THSD4: variants seen among roughly 807,000 people sequenced by gnomAD.
THSD4 encodes thrombospondin type 1 domain containing 4, also known as thrombospondin type-1 domain-containing protein 4.
A neutral mutation model predicts 119.0 loss-of-function variants in THSD4; 69 were observed. That is an observed-to-expected ratio of 0.58 (90% CI 0.48 to 0.71). THSD4 has a LOEUF of 0.71. Among genes scored for constraint, THSD4 ranks in the 30% least tolerant of loss-of-function variants. THSD4 has a pLI of 0.00. For synonymous variants in THSD4, 524 were observed against 540.4 expected, an observed-to-expected ratio of 0.97 and a Z score of 0.42; for missense variants, 1,393 against 1,391.1, an observed-to-expected ratio of 1.00 and a Z score of -0.02.
intron 6 of THSD4, among the ~76,000 whole-genome samples, chr15:71,401,188 G>C (rs1221479429): frequency 6.6e-6 from 1 of 151,302 alleles, no homozygotes; most frequent in East Asian, 2.0e-4. Context: ...GCAATATTTT[G>C]CTTCCCTAGA....
At chr15:71,332,324 C>G (rs2045431550) in intron 6 of THSD4, among the ~76,000 whole-genome samples, 1 of 152,172 alleles carries the variant, frequency 6.6e-6, no homozygotes, top group Non-Finnish European at 1.5e-5. Flanking sequence ...ATGGGTACCA[C>G]AAATACCTAC....
intron 7 of THSD4, among the ~76,000 whole-genome samples, chr15:71,483,241 G>A (rs1021130780): frequency 1.3e-5 from 2 of 152,192 alleles, no homozygotes; most frequent in Non-Finnish European, 2.9e-5. Context: ...TGATTACGCA[G>A]TCACAGTCTC....
In THSD4 at chr15:71,367,016, C is replaced by T. The variant is rs979006430; in HGVS notation, c.1016-44671C>T. On this transcript the variant is annotated intron_variant, in intron 6 of 17. Coordinates refer to ENST00000261862, the MANE Select transcript of THSD4 (RefSeq NM_024817.3). ...ATTTTCTCAAAACATATTCCATCTT[C>T]TGTGTGAACAAGGGATTCAAGAGTC... 4.5e-4 allele frequency among the ~76,000 whole-genome samples: 69 copies of T among 152,204 alleles called. 2 individuals carry two copies. Among genetic ancestry groups the T allele is most frequent in the Non-Finnish European group, 8.4e-4 (57 of 68,038 alleles).
intron 7 of THSD4, chr15:71,547,747 C>A: frequency 3.0e-6 from 1 of 332,230 alleles, no homozygotes; most frequent in Non-Finnish European, 5.4e-6. Flanking sequence ...TGACAGATGC[C>A]TGTAGCACGC....
At chr15:71,108,298 C>T (rs1197566724) in intron 1 of THSD4, among the ~76,000 whole-genome samples, 8 of 152,150 alleles carry the variant, frequency 5.3e-5, no homozygotes, top group East Asian at 3.8e-4. Context: ...TTCTGGAAAG[C>T]GGCATGAATA....
intron 3 of THSD4, among the ~76,000 whole-genome samples, chr15:71,159,027 T>C (rs1017725437): frequency 1.3e-5 from 2 of 152,206 alleles, no homozygotes; most frequent in Non-Finnish European, 2.9e-5. Context: ...GGGTCTAGTC[T>C]CTTCTTCTCA....
intron 7 of THSD4, among the ~76,000 whole-genome samples, chr15:71,535,748 C>T (rs2048681409): frequency 6.6e-6 from 1 of 152,138 alleles, no homozygotes; most frequent in South Asian, 2.1e-4. Context: ...GGAGAAATGT[C>T]TATTCAAACC....
intron 6 of THSD4, among the ~76,000 whole-genome samples, chr15:71,396,262 T>G (rs924506403): frequency 6.6e-6 from 1 of 151,660 alleles, no homozygotes; most frequent in Non-Finnish European, 1.5e-5. Flanking sequence ...TATACACATA[T>G]GCATGTACAC....
Position 71,575,123 on chromosome 15 carries a change from T to A in THSD4, c.1153-85407T>A, listed in dbSNP as rs780861400. On this transcript the variant is annotated intron_variant, in intron 7 of 17. Transcript: ENST00000261862. ...CTGCACCATGGGAGAGATTACTCTC[T>A]TGTCTCAGCACTAGGCAAACCTAGA... Among the ~76,000 whole-genome samples, 95 of 152,330 alleles carry A rather than the reference T, an allele frequency of 6.2e-4. 1 individual carries two copies. Among genetic ancestry groups the A allele is most frequent in the Admixed American group, 1.2e-3 (18 of 15,296 alleles).
chr15:71,269,002 A>T (rs1001806044), intron 6 of THSD4, among the ~76,000 whole-genome samples: 4 of 152,214 alleles, frequency 2.6e-5, no homozygotes, highest in African/African-American at 9.6e-5. Context: ...GCCCAGGACC[A>T]TACGGATTCA....
intron 7 of THSD4, among the ~76,000 whole-genome samples, chr15:71,412,977 C>G (rs1374087067): frequency 6.6e-6 from 1 of 152,038 alleles, no homozygotes; most frequent in Non-Finnish European, 1.5e-5. Context: ...GTATTAGGAA[C>G]ATTCCAGTGC....
At chr15:71,376,199 A>G (rs74021970) in intron 6 of THSD4, among the ~76,000 whole-genome samples, 9,022 of 152,256 alleles carry the variant, frequency 0.059, 356 homozygotes, top group African/African-American at 0.11. Flanking sequence ...CACCTCTTGC[A>G]TGTGCTGTCT....
At chr15:71,605,740 T>C (rs887630290) in intron 7 of THSD4, among the ~76,000 whole-genome samples, 1 of 152,206 alleles carries the variant, frequency 6.6e-6, no homozygotes, top group Admixed American at 6.5e-5. Flanking sequence ...CCAGTGAGTG[T>C]AAAAGTCTGA....
intron 7 of THSD4, among the ~76,000 whole-genome samples, chr15:71,610,199 G>C (rs2050197181): frequency 6.6e-6 from 1 of 152,184 alleles, no homozygotes; most frequent in African/African-American, 2.4e-5. Flanking sequence ...TGTTTCAGAG[G>C]AAATATGTGT....
chr15:71,208,778 C>T (rs2043866164), intron 3 of THSD4, among the ~76,000 whole-genome samples: 1 of 152,076 alleles, frequency 6.6e-6, no homozygotes, highest in Non-Finnish European at 1.5e-5. Context: ...TCCCAAAGTA[C>T]TGGGAGTACA....
At position 71,630,145 on chromosome 15, in the gene THSD4, A is replaced by G. The variant is rs1316525368; in HGVS notation, c.1153-30385A>G. On this transcript the variant is annotated intron_variant, in intron 7 of 17. Transcript: ENST00000261862. ...CTACACTCTAAAGTCCCCCAGTAAA[A>G]AAAGAAAACAAACAGACAAAAAACA... Among the ~76,000 whole-genome samples the G allele has an allele frequency of 2.0e-5, 3 of 152,198 alleles. 1 individual carries two copies. The highest frequency in any genetic ancestry group is 4.1e-4 in the South Asian group (2 of 4,832).
At chr15:71,287,812 G>A (rs913183364) in intron 6 of THSD4, among the ~76,000 whole-genome samples, 29 of 152,282 alleles carry the variant, frequency 1.9e-4, no homozygotes, top group African/African-American at 7.0e-4. Context: ...AGAGTTGGGT[G>A]CAGCTCTTCT....
chr15:71,167,109 G>C (rs557256339), intron 3 of THSD4: 1 of 152,124 alleles, frequency 6.6e-6, no homozygotes, highest in Non-Finnish European at 1.5e-5. Context: ...GAGCTTTGTG[G>C]AACTGTGGTT....
At chr15:71,645,803 C>A (rs538659109) in intron 7 of THSD4, among the ~76,000 whole-genome samples, 3 of 152,174 alleles carry the variant, frequency 2.0e-5, no homozygotes, top group Non-Finnish European at 4.4e-5. Flanking sequence ...GAACTCAAAG[C>A]TTCTGGGAAA....
Sources: allele counts gnomAD v4.1 joint callset (sites outside exome capture counted in the v4.1 genomes callset), GRCh38; gene constraint gnomAD v4.1.1; transcripts MANE v1.5; gene names NCBI Gene and HGNC (gene_info 2026-07-23, HGNC 2026-07-21).